Variants in MAP3K4 observed in about 807,000 individuals in gnomAD.
MAP3K4 encodes MAP three kinase 1.
Under a neutral mutation model 185.6 loss-of-function variants are expected in MAP3K4, and 67 were observed. The observed-to-expected ratio is 0.36, with a 90% CI of 0.30 to 0.44. The LOEUF (loss-of-function observed/expected upper bound fraction) is 0.44, where lower values mean the gene tolerates loss of function less well. Among genes scored for constraint, MAP3K4 ranks in the 20% least tolerant of loss-of-function variants. The pLI is 1.00. For synonymous variants in MAP3K4, 702 were observed against 710.4 expected (o/e 0.99, Z 0.19); for missense variants, 1,551 against 1,995.1 (o/e 0.78, Z 4.24).
intron 18 of MAP3K4, 59 bp downstream of exon 18, chr6:161,102,051 A>C: frequency 1.4e-6 from 2 of 1,401,810 alleles, no homozygotes; most frequent in Non-Finnish European, 2.0e-6. Context: ...GTCTCAGTTC[A>C]CCAGTTTCTG....
chr6:161,038,899 AG>A (rs1364024814), intron 2 of MAP3K4, among the ~76,000 whole-genome samples: 3 of 152,154 alleles, frequency 2.0e-5, no homozygotes, highest in Non-Finnish European at 2.9e-5. Context: ...GGAACAGCTG[AG>A]GGCTGCTGGC....
In MAP3K4 at chr6:161,093,083, A is replaced by C. The variant is rs774358341; in HGVS notation, c.3348+27A>C. ...TATGGATTATTCTAAAGTTTTTTTCATTATAAAATAAGCCAGTCACTCCTT... is the reference window on the plus strand; with the variant it reads ...TATGGATTATTCTAAAGTTTTTTTCCTTATAAAATAAGCCAGTCACTCCTT... On this transcript the variant is annotated intron_variant, in intron 14 of 26. Coordinates refer to ENST00000392142, the MANE Select transcript of MAP3K4 (RefSeq NM_005922.4). This position sits in a 1 kb window ranked among gnomAD's most constrained non-coding sequence, Gnocchi z 5.2. 1 of 1,499,230 alleles carries C rather than the reference A, an allele frequency of 6.7e-7. No homozygotes were observed. The highest frequency in any genetic ancestry group is 2.3e-5 in the East Asian group (1 of 44,236). The allele number at this position is 1,499,230 out of a possible 1,614,324, so 92.9% of individuals were successfully genotyped here.
chr6:161,024,611 A>G lies in MAP3K4; in HGVS notation c.153-9648A>G, dbSNP rs184689793. Among the ~76,000 whole-genome samples, 151 of 152,216 alleles carry G rather than the reference A, an allele frequency of 9.9e-4. 1 individual carries two copies. The highest frequency in any genetic ancestry group is 4.2e-3 in the South Asian group (20 of 4,814). On this transcript the variant is annotated intron_variant, in intron 1 of 26. Coordinates refer to ENST00000392142, the MANE Select transcript of MAP3K4 (RefSeq NM_005922.4). The stretch of plus-strand genomic sequence containing the variant: ...TTAGGTATTCTGTAGAAAGTCCCGC[A>G]ACTTGGGTTTGTCAGGTGTTTTTGT...
intron 2 of MAP3K4, among the ~76,000 whole-genome samples, chr6:161,038,313 T>C (rs1263276004): frequency 1.3e-5 from 2 of 152,336 alleles, no homozygotes; most frequent in East Asian, 1.9e-4. Context: ...CAAGTGACAT[T>C]TGTGCTGTGA....
chr6:161,045,758 A>G (rs891745166), intron 2 of MAP3K4, among the ~76,000 whole-genome samples: 3 of 152,212 alleles, frequency 2.0e-5, no homozygotes, highest in African/African-American at 4.8e-5. Flanking sequence ...GTCTGTGGCC[A>G]TTATCAATAA....
Position 161,073,455 on chromosome 6 carries a change from T to G in MAP3K4, c.1951-11T>G. 2 of 1,577,574 alleles carry G rather than the reference T, an allele frequency of 1.3e-6. No individual in the cohort carries two copies. Among genetic ancestry groups the G allele is most frequent in the Non-Finnish European group, 1.7e-6 (2 of 1,161,358 alleles). ...TTATGGCTGCTGGAACCTGTGTGTGTTGTTTTGCAGCTGGTGAGAGAGTGT... is the reference window on the plus strand; with the variant it reads ...TTATGGCTGCTGGAACCTGTGTGTGGTGTTTTGCAGCTGGTGAGAGAGTGT... On this transcript the variant is annotated splice_polypyrimidine_tract_variant and intron_variant, in intron 4 of 26. Coordinates refer to ENST00000392142, the MANE Select transcript of MAP3K4 (RefSeq NM_005922.4). The surrounding 1 kb of genome is among the most constrained non-coding windows in gnomAD (Gnocchi z 4.2).
In MAP3K4 at chr6:161,101,952, G is replaced by A. The variant is rs756727162; in HGVS notation, c.3735G>A (p.Arg1245=). ...LASIAAELQF[R]SLSRHSSPTE... is the part of the protein sequence containing the mutation. ...CCATAGCTGCTGAATTGCAGTTTAG[G>A]TCCCTGAGTCGTCACTCAAGCCCCA... Residue 1245 remains arginine (R), a synonymous_variant, in exon 18 of 27, where the codon AGG becomes AGA. Transcript: ENST00000392142. The surrounding 1 kb of genome is among the most constrained non-coding windows in gnomAD (Gnocchi z 5.1). 32 of 1,614,024 alleles carry A rather than the reference G, an allele frequency of 2.0e-5. No homozygotes were observed. In the South Asian group the frequency reaches 3.5e-4, roughly 18 times the overall value.
At position 161,093,143 on chromosome 6, in the gene MAP3K4, G is replaced by T; in HGVS notation, c.3348+87G>T. The T allele has an allele frequency of 1.2e-6, 1 of 860,934 alleles. No homozygotes were observed. The highest frequency in any genetic ancestry group is 1.9e-6 in the Non-Finnish European group (1 of 540,392). 53.3% of individuals were successfully genotyped at this position (860,934 alleles called of 1,614,324 possible). A position where few individuals can be genotyped will look rare whatever the true frequency, so the allele number is the denominator to read the frequency against. ...TTGTATATGTTTTATATGTAATAGT[G>T]GTTTTTTTCATGAGATATTAATCTC... On this transcript the variant is annotated intron_variant, in intron 14 of 26. Coordinates refer to ENST00000392142, the MANE Select transcript of MAP3K4 (RefSeq NM_005922.4). The surrounding 1 kb of genome is among the most constrained non-coding windows in gnomAD (Gnocchi z 5.2).
At chr6:161,094,371 ATATATTACT>A (rs1562535891) in intron 15 of MAP3K4, among the ~76,000 whole-genome samples, 1 of 152,258 alleles carries the variant, frequency 6.6e-6, no homozygotes, top group Non-Finnish European at 1.5e-5. Flanking sequence ...ATGCTGCTAT[ATATATTACT>A]TCAATTACAA....
At position 161,088,184 on chromosome 6, in the gene MAP3K4, G is replaced by T. The variant is rs1238083795; in HGVS notation, c.2823+230G>T. 6.6e-6 allele frequency among the ~76,000 whole-genome samples: 1 copy of T among 152,048 alleles called. No individual in the cohort carries two copies. Among genetic ancestry groups the T allele is most frequent in the East Asian group, 1.9e-4 (1 of 5,198 alleles). On this transcript the variant is annotated intron_variant, in intron 10 of 26. Coordinates refer to ENST00000392142, the MANE Select transcript of MAP3K4 (RefSeq NM_005922.4). This position sits in a 1 kb window ranked among gnomAD's most constrained non-coding sequence, Gnocchi z 4.5. ...ATACTTGAAATAAACCATCTATCTG[G>T]TTTATATCTTTTCTTAGTTCAGTCA... is the stretch of plus-strand genomic sequence containing the variant.
rs1190890330 is a variant in MAP3K4 at position 161,008,252 on chromosome 6, C to A, written c.152+16169C>A. The stretch of plus-strand genomic sequence containing the variant: ...AAGCTGTGATCTTAATTTAACCAGT[C>A]TTTTGTCGGACTCTTAGGATGTTTC... On this transcript the variant is annotated intron_variant, in intron 1 of 26. Coordinates refer to ENST00000392142, the MANE Select transcript of MAP3K4 (RefSeq NM_005922.4). This position sits in a 1 kb window ranked among gnomAD's most constrained non-coding sequence, Gnocchi z 4.1. 4.6e-5 allele frequency among the ~76,000 whole-genome samples: 7 copies of A among 152,216 alleles called. No individual in the cohort carries two copies. In the East Asian group the frequency reaches 1.4e-3, roughly 29 times the overall value.
intron 5 of MAP3K4, among the ~76,000 whole-genome samples, chr6:161,079,428 T>G (rs1785337946): frequency 6.6e-6 from 1 of 151,300 alleles, no homozygotes; most frequent in Non-Finnish European, 1.5e-5. Context: ...AAATACGAAA[T>G]TAGCCAGTTG....
At chr6:161,033,435 G>C (rs1015569227) in intron 1 of MAP3K4, among the ~76,000 whole-genome samples, 35 of 152,264 alleles carry the variant, frequency 2.3e-4, no homozygotes, top group African/African-American at 8.4e-4. Context: ...AGTTGGCCAG[G>C]GATAGAGAAT....
At chr6:161,014,162 T>G (rs113562827) in intron 1 of MAP3K4, among the ~76,000 whole-genome samples, 2 of 152,368 alleles carry the variant, frequency 1.3e-5, no homozygotes, top group African/African-American at 4.8e-5. Context: ...TCTTCCTTTA[T>G]GCAAAATGCT....
At position 161,076,155 on chromosome 6, in the gene MAP3K4, TA is replaced by T. The variant is rs1405164457; in HGVS notation, c.2097+2546del. ...CTAAAATGAAGGTAAACCCAAGCTC[TA>T]AATACGTGTCCGCCTTAGGCCCAGA... On this transcript the variant is annotated intron_variant, in intron 5 of 26. Transcript: ENST00000392142. The surrounding 1 kb of genome is among the most constrained non-coding windows in gnomAD (Gnocchi z 4.2). Among the ~76,000 whole-genome samples, 1 of 152,226 alleles carries T rather than the reference TA, an allele frequency of 6.6e-6. No homozygotes were observed. Among genetic ancestry groups the T allele is most frequent in the Non-Finnish European group, 1.5e-5 (1 of 68,050 alleles).
chr6:161,044,814 C>G (rs1196663124), intron 2 of MAP3K4, among the ~76,000 whole-genome samples: 1 of 152,146 alleles, frequency 6.6e-6, no homozygotes, highest in Non-Finnish European at 1.5e-5. Context: ...GAAGAGGAAG[C>G]AGGCATGTCA....
rs1438577867 is a variant in MAP3K4 at position 161,088,231 on chromosome 6, A to G, written c.2823+277A>G. ...GTCATGTAGTTAGATCTGTGGAGCT[A>G]TGATCTAAAAGGAGTTATGTCACTA... On this transcript the variant is annotated intron_variant, in intron 10 of 26. Transcript: ENST00000392142. This position sits in a 1 kb window ranked among gnomAD's most constrained non-coding sequence, Gnocchi z 4.5. Among the ~76,000 whole-genome samples the G allele has an allele frequency of 6.6e-6, 1 of 152,200 alleles. No homozygotes were observed. Among genetic ancestry groups the G allele is most frequent in the African/African-American group, 2.4e-5 (1 of 41,434 alleles).
chr6:161,110,020 A>T lies in MAP3K4; in HGVS notation c.4396+106A>T, dbSNP rs894215579. On this transcript the variant is annotated intron_variant, in intron 23 of 26. Transcript: ENST00000392142. This position sits in a 1 kb window ranked among gnomAD's most constrained non-coding sequence, Gnocchi z 4.8. ...CCATTCCCACATATGATTTCTCTAG[A>T]TGGAAATACCTTTCATTGAAATACG... The T allele has an allele frequency of 1.8e-5, 22 of 1,202,802 alleles. No individual in the cohort carries two copies. In the Middle Eastern group the frequency reaches 1.2e-3, roughly 63 times the overall value. 74.5% of individuals were successfully genotyped at this position (1,202,802 alleles called of 1,614,324 possible).
chr6:161,009,724 C>T (rs645406), intron 1 of MAP3K4, among the ~76,000 whole-genome samples: 136,157 of 152,214 alleles, frequency 0.89, 61,228 homozygotes, highest in Non-Finnish European at 0.93. Context: ...AATATTTGTG[C>T]CAATTTCCAC....
Sources: allele counts gnomAD v4.1 joint callset (sites outside exome capture counted in the v4.1 genomes callset), GRCh38; gene constraint gnomAD v4.1.1; non-coding constraint Gnocchi (gnomAD v3.1); transcripts MANE v1.5; gene names NCBI Gene and HGNC (gene_info 2026-07-23, HGNC 2026-07-21).